PLEKHA5: variants seen among roughly 807,000 people sequenced by gnomAD.
PLEKHA5 encodes the protein pleckstrin homology domain containing A5.
A neutral mutation model predicts 181.9 loss-of-function variants in PLEKHA5; 55 were observed. That is an observed-to-expected ratio of 0.30 (90% CI 0.24 to 0.38). The LOEUF (loss-of-function observed/expected upper bound fraction) is 0.38, where lower values mean the gene tolerates loss of function less well. Among genes scored for constraint, PLEKHA5 ranks in the 10% least tolerant of loss-of-function variants. The pLI, the probability that PLEKHA5 is intolerant of heterozygous loss-of-function variation, is 1.00. For missense variants in PLEKHA5, 1,432 were observed against 1,549.5 expected (o/e 0.92, Z 1.27); for synonymous variants, 535 against 529.4 (o/e 1.01, Z -0.15).
intron 3 of PLEKHA5, among the ~76,000 whole-genome samples, chr12:19,218,175 G>A (rs555887287): frequency 1.0e-3 from 155 of 152,246 alleles, no homozygotes; most frequent in Non-Finnish European, 1.6e-3. Flanking sequence ...TAGCTTCTCT[G>A]TGGCTGGGGG....
At chr12:19,359,362 T>A in intron 27 of PLEKHA5, 50 bp from the exon 28 acceptor site, 1 of 1,503,042 alleles carries the variant, frequency 6.7e-7, no homozygotes, top group Non-Finnish European at 9.1e-7. Flanking sequence ...TTATAAAATA[T>A]ACATGCATGC....
chr12:19,240,020 G>GT (rs2152442458), intron 3 of PLEKHA5, among the ~76,000 whole-genome samples: 1 of 152,286 alleles, frequency 6.6e-6, no homozygotes, highest in African/African-American at 2.4e-5. Flanking sequence ...AAAGCCAAAC[G>GT]TTTTTTACAA....
chr12:19,178,740 C>T (rs7297759), intron 3 of PLEKHA5, among the ~76,000 whole-genome samples: 135,417 of 152,232 alleles, frequency 0.89, 61,035 homozygotes, highest in Non-Finnish European at 0.97. Context: ...CCTTACTGGG[C>T]GTTAGTTTCC....
At chr12:19,138,211 A>G in intron 3 of PLEKHA5, among the ~76,000 whole-genome samples, 3 of 152,268 alleles carry the variant, frequency 2.0e-5, no homozygotes, top group Admixed American at 2.0e-4. Context: ...TAAATAACAG[A>G]TAAATATAAG....
At chr12:19,270,627 A>G (rs1225218159) in intron 10 of PLEKHA5, among the ~76,000 whole-genome samples, 1 of 152,180 alleles carries the variant, frequency 6.6e-6, no homozygotes, top group African/African-American at 2.4e-5. Flanking sequence ...ATAGCTAGTT[A>G]GAGGAAATCT....
intron 3 of PLEKHA5, among the ~76,000 whole-genome samples, chr12:19,202,919 T>C (rs1168933344): frequency 6.6e-6 from 1 of 152,120 alleles, no homozygotes; most frequent in African/African-American, 2.4e-5. Flanking sequence ...TATTCAGTTG[T>C]CATAGAAGTG....
intron 6 of PLEKHA5, among the ~76,000 whole-genome samples, chr12:19,259,429 A>T (rs1183237631): frequency 6.6e-6 from 1 of 151,940 alleles, no homozygotes; most frequent in Admixed American, 6.6e-5. Flanking sequence ...AGTGTCCCTT[A>T]TCTGTACTAA....
At chr12:19,358,478 G>A (rs2095063763) in intron 27 of PLEKHA5, 41 bp downstream of exon 27, 1 of 1,354,352 alleles carries the variant, frequency 7.4e-7, no homozygotes. Context: ...TGTAAATCTA[G>A]TATCACTGAA....
At chr12:19,191,193 T>G (rs1046494014) in intron 3 of PLEKHA5, among the ~76,000 whole-genome samples, 32 of 152,224 alleles carry the variant, frequency 2.1e-4, no homozygotes, top group African/African-American at 7.7e-4. Flanking sequence ...TCCTGTTAAC[T>G]GCATTTCATT....
intron 15 of PLEKHA5, among the ~76,000 whole-genome samples, chr12:19,295,896 A>G (rs903593326): frequency 1.3e-5 from 2 of 152,210 alleles, no homozygotes; most frequent in Non-Finnish European, 2.9e-5. Context: ...GACTAACAGT[A>G]TCACACACCC....
Position 19,365,985 on chromosome 12 carries a change from C to T in PLEKHA5, c.3630C>T (p.Thr1210=), listed in dbSNP as rs778796914. 12 of 1,610,448 alleles carry T rather than the reference C, an allele frequency of 7.5e-6. No homozygotes were observed. The highest frequency in any genetic ancestry group is 4.0e-5 in the African/African-American group (3 of 74,660). Residue 1210 remains threonine, a synonymous_variant, in exon 30 of 32, where the codon ACC becomes ACT. Transcript: ENST00000429027. ...TCAGCCCTCAAGATGAAACACAGAC[C>T]GCAAATCATAAACCAGAAGAGCATC... The part of the protein sequence containing the change: ...VTFSPQDETQ[T]ANHKPEEHPE...
At chr12:19,280,124 A>G (rs1391048697) in intron 11 of PLEKHA5, among the ~76,000 whole-genome samples, 2 of 130,582 alleles carry the variant, frequency 1.5e-5, no homozygotes, top group Non-Finnish European at 3.1e-5. Context: ...ATCTCAGCTC[A>G]CTGCAACCTC....
chr12:19,238,799 CAAAAA>C (rs3056444), intron 3 of PLEKHA5, among the ~76,000 whole-genome samples: 10 of 85,508 alleles, frequency 1.2e-4, no homozygotes, highest in Non-Finnish European at 1.7e-4. Context: ...TAAATCTGGC[CAAAAA>C]AAAAAAAAAA....
chr12:19,177,966 C>T (rs1192713847), intron 3 of PLEKHA5, among the ~76,000 whole-genome samples: 1 of 152,166 alleles, frequency 6.6e-6, no homozygotes, highest in African/African-American at 2.4e-5. Context: ...GAAATGTAAA[C>T]TCTAGCTTTG....
At chr12:19,211,294 G>T (rs1462580663) in intron 3 of PLEKHA5, among the ~76,000 whole-genome samples, 2 of 152,052 alleles carry the variant, frequency 1.3e-5, no homozygotes, top group Admixed American at 1.3e-4. Context: ...ACTTTCTGTG[G>T]CAAATACTTA....
intron 15 of PLEKHA5, among the ~76,000 whole-genome samples, chr12:19,312,367 C>T (rs927645937): frequency 6.6e-6 from 1 of 152,194 alleles, no homozygotes. Context: ...TATGAAAGTC[C>T]TAGGTGGCAT....
intron 4 of PLEKHA5, among the ~76,000 whole-genome samples, chr12:19,254,760 C>T (rs1432635932): frequency 6.6e-6 from 1 of 152,170 alleles, no homozygotes; most frequent in African/African-American, 2.4e-5. Flanking sequence ...GAGGCAGATT[C>T]TACAGTGAAC....
intron 3 of PLEKHA5, among the ~76,000 whole-genome samples, chr12:19,197,061 A>C (rs1434832457): frequency 6.6e-6 from 1 of 151,996 alleles, no homozygotes; most frequent in Non-Finnish European, 1.5e-5. Context: ...CCTTCTGTAG[A>C]GGTAGCTCTC....
Position 19,255,151 on chromosome 12 carries a change from A to G in PLEKHA5, c.418A>G (p.Ser140Gly). Residue 140 changes from serine (S) to glycine (G), a missense_variant, in exon 5 of 32, where the codon AGC becomes GGC. Transcript: ENST00000429027. The stretch of plus-strand genomic sequence containing the variant: ...TTCAGATTATGCAGTGCATCCAATG[A>G]GCCCTGTAGGCAGAGTAAGTTATTT... Reference protein sequence around the residue: ...VTSDYAVHPMSPVGRTSRASK... With the variant: ...VTSDYAVHPMGPVGRTSRASK... 6.3e-7 allele frequency: 1 copy of G among 1,598,536 alleles called. No homozygotes were observed. Among genetic ancestry groups the G allele is most frequent in the Middle Eastern group, 1.7e-4 (1 of 5,984 alleles).
Sources: gnomAD v4.1 joint callset for allele counts (sites outside exome capture counted in the v4.1 genomes callset) on GRCh38, gnomAD v4.1.1 for gene constraint, MANE v1.5 for transcripts, NCBI Gene and HGNC (gene_info 2026-07-23, HGNC 2026-07-21) for gene names.